The following SSBP2 variants were observed in gnomAD, a reference collection of about 807,000 sequenced individuals.
SSBP2 encodes the protein single stranded DNA binding protein 2, also known as single-stranded DNA-binding protein 2.
A neutral mutation model predicts 61.8 loss-of-function variants in SSBP2; 17 were observed. The ratio of observed to expected loss-of-function variants is 0.28; its 90% CI spans 0.19 to 0.41. SSBP2 has a LOEUF of 0.41. Among genes scored for constraint, SSBP2 ranks in the 10% least tolerant of loss-of-function variants. The pLI, the probability that SSBP2 is intolerant of heterozygous loss-of-function variation, is 1.00. For missense variants in SSBP2, 310 were observed against 458.7 expected (o/e 0.68, Z 2.96); for synonymous variants, 139 against 141.3 (o/e 0.98, Z 0.12).
intron 1 of SSBP2, among the ~76,000 whole-genome samples, chr5:81,678,192 G>T (rs921394466): frequency 4.6e-5 from 7 of 152,140 alleles, no homozygotes; most frequent in African/African-American, 1.7e-4. Flanking sequence ...GATGGATAAT[G>T]TAAGAAGAGA....
At chr5:81,646,227 T>C (rs1209317231) in intron 2 of SSBP2, among the ~76,000 whole-genome samples, 1 of 152,182 alleles carries the variant, frequency 6.6e-6, no homozygotes, top group East Asian at 1.9e-4. Context: ...ATCACGGTCC[T>C]TCTTAGCCTC....
intron 1 of SSBP2, among the ~76,000 whole-genome samples, chr5:81,740,095 T>C (rs1001669104): frequency 5.9e-5 from 9 of 152,204 alleles, no homozygotes; most frequent in Non-Finnish European, 1.3e-4. Context: ...AACTCACTTA[T>C]ATAATTGACT....
At chr5:81,422,717 T>C (rs1315495323) in intron 16 of SSBP2, among the ~76,000 whole-genome samples, 1 of 152,142 alleles carries the variant, frequency 6.6e-6, no homozygotes, top group African/African-American at 2.4e-5. Context: ...AGATTCAGTT[T>C]AGACAACCTC....
At chr5:81,618,178 AC>A (rs1746241462) in intron 3 of SSBP2, among the ~76,000 whole-genome samples, 1 of 80,604 alleles carries the variant, frequency 1.2e-5, no homozygotes, top group African/African-American at 4.1e-5. Flanking sequence ...AAGAGTCAAG[AC>A]CCATCAGTGT....
At chr5:81,593,225 G>A (rs942216431) in intron 4 of SSBP2, among the ~76,000 whole-genome samples, 1 of 152,166 alleles carries the variant, frequency 6.6e-6, no homozygotes, top group African/African-American at 2.4e-5. Flanking sequence ...GCCATCAACT[G>A]GAAGAAAGGG....
At chr5:81,726,244 T>C (rs531670443) in intron 1 of SSBP2, among the ~76,000 whole-genome samples, 1 of 152,102 alleles carries the variant, frequency 6.6e-6, no homozygotes, top group Non-Finnish European at 1.5e-5. Context: ...AAAGAAACAC[T>C]GAACAAATAC....
intron 1 of SSBP2, among the ~76,000 whole-genome samples, chr5:81,684,478 TTAGGG>T (rs1414469473): frequency 9.2e-5 from 14 of 152,080 alleles, no homozygotes; most frequent in Non-Finnish European, 1.9e-4. Context: ...CAGGGTATTT[TTAGGG>T]TAGTAAAACT....
chr5:81,515,511 T>C (rs999532988), intron 4 of SSBP2, among the ~76,000 whole-genome samples: 7 of 151,998 alleles, frequency 4.6e-5, no homozygotes, highest in Non-Finnish European at 7.4e-5. Context: ...AGTTCAGAGA[T>C]GTAATTTCTC....
chr5:81,446,975 C>A (rs934748324), intron 11 of SSBP2, 53 bp from the exon 12 acceptor site: 1 of 1,346,806 alleles, frequency 7.4e-7, no homozygotes, highest in Admixed American at 2.3e-5. Flanking sequence ...TAAGAAAAAA[C>A]AGAAGTTAGA....
At chr5:81,596,903 C>G (rs976077498) in intron 4 of SSBP2, among the ~76,000 whole-genome samples, 81 of 149,648 alleles carry the variant, frequency 5.4e-4, no homozygotes, top group African/African-American at 2.0e-3. Context: ...AAAACCTAAG[C>G]AATACCATTC....
At chr5:81,735,591 A>G (rs1266434636) in intron 1 of SSBP2, among the ~76,000 whole-genome samples, 1 of 152,208 alleles carries the variant, frequency 6.6e-6, no homozygotes, top group African/African-American at 2.4e-5. Context: ...ATCTACACTG[A>G]TCAGTGAATA....
At position 81,520,225 on chromosome 5, in the gene SSBP2, T is replaced by G. The variant is rs184261422; in HGVS notation, c.283-6508A>C. On this transcript the variant is annotated intron_variant, in intron 4 of 16. Coordinates refer to ENST00000320672, the MANE Select transcript of SSBP2 (RefSeq NM_012446.5). ...GTCTCAAACTCCTGACCTCAAGTGATCCACCCACCTTAGCCTCCCAAAGTG... is the reference window on the plus strand; with the variant it reads ...GTCTCAAACTCCTGACCTCAAGTGAGCCACCCACCTTAGCCTCCCAAAGTG... Among the ~76,000 whole-genome samples, 1,342 of 152,280 alleles carry G rather than the reference T, an allele frequency of 8.8e-3. 13 individuals carry two copies. The highest frequency in any genetic ancestry group is 0.031 in the African/African-American group (1,277 of 41,568).
At chr5:81,614,425 C>T (rs1393770513) in intron 4 of SSBP2, among the ~76,000 whole-genome samples, 1 of 150,998 alleles carries the variant, frequency 6.6e-6, no homozygotes, top group Non-Finnish European at 1.5e-5. Context: ...TTTCACTTCC[C>T]GTAAGTCTGC....
chr5:81,748,937 G>A (rs1189877417), intron 1 of SSBP2, among the ~76,000 whole-genome samples: 1 of 151,960 alleles, frequency 6.6e-6, no homozygotes, highest in Non-Finnish European at 1.5e-5. Context: ...ATACTGAGTG[G>A]GATTCAACTA....
chr5:81,596,089 C>A (rs1230643419), intron 4 of SSBP2, among the ~76,000 whole-genome samples: 3 of 152,102 alleles, frequency 2.0e-5, no homozygotes, highest in African/African-American at 7.2e-5. Flanking sequence ...CTAGAAAACC[C>A]CAACGTCTCA....
chr5:81,615,912 A>T (rs1222444712), intron 3 of SSBP2, among the ~76,000 whole-genome samples: 1 of 152,230 alleles, frequency 6.6e-6, no homozygotes, highest in Non-Finnish European at 1.5e-5. Context: ...TAATATCCTA[A>T]TTTAATAATT....
intron 1 of SSBP2, among the ~76,000 whole-genome samples, chr5:81,701,508 G>C (rs1753981518): frequency 6.6e-6 from 1 of 152,154 alleles, no homozygotes; most frequent in South Asian, 2.1e-4. Context: ...CCTTCAATTT[G>C]TAAAAAATAA....
chr5:81,615,845 G>C (rs1745959630), intron 3 of SSBP2, among the ~76,000 whole-genome samples: 1 of 152,142 alleles, frequency 6.6e-6, no homozygotes, highest in Non-Finnish European at 1.5e-5. Context: ...TAAAACACTT[G>C]ATTGGAGTAG....
intron 16 of SSBP2, among the ~76,000 whole-genome samples, chr5:81,421,708 G>C (rs1249059501): frequency 6.6e-6 from 1 of 152,172 alleles, no homozygotes; most frequent in Non-Finnish European, 1.5e-5. Flanking sequence ...AATAGACTGT[G>C]ACAGAAAAGT....
Sources: allele counts gnomAD v4.1 joint callset (sites outside exome capture counted in the v4.1 genomes callset), GRCh38; gene constraint gnomAD v4.1.1; transcripts MANE v1.5; gene names NCBI Gene and HGNC (gene_info 2026-07-23, HGNC 2026-07-21).